The following CDH9 variants were observed in gnomAD, a reference collection of about 807,000 sequenced individuals.
The protein encoded by CDH9 is cadherin 9.
In CDH9, 28 loss-of-function variants were observed where a neutral mutation model predicts 70.9. The ratio of observed to expected loss-of-function variants is 0.40; its 90% CI spans 0.29 to 0.54. The LOEUF (loss-of-function observed/expected upper bound fraction) is 0.54, where lower values mean the gene tolerates loss of function less well. CDH9 is among the 20% of genes least tolerant of loss of function. CDH9 has a pLI of 0.59. For missense variants in CDH9, 874 were observed against 984.4 expected (o/e 0.89, Z 1.50); for synonymous variants, 409 against 343.1 (o/e 1.19, Z -2.12).
rs183204098 is a variant in CDH9 at position 26,968,347 on chromosome 5, G to A, written c.228+19759C>T. Among the ~76,000 whole-genome samples the A allele has an allele frequency of 2.2e-4, 34 of 151,976 alleles. No homozygotes were observed. In the East Asian group the frequency reaches 2.3e-3, roughly 10 times the overall value. ...GTTGCCCAGGCTGGAGTGCAGTGGC[G>A]CAATCTCGGCTCACTGCAACCTCCA... On this transcript the variant is annotated intron_variant, in intron 2 of 11. Coordinates refer to ENST00000231021, the MANE Select transcript of CDH9 (RefSeq NM_016279.4).
intron 2 of CDH9, among the ~76,000 whole-genome samples, chr5:26,969,942 T>C (rs1742190722): frequency 6.7e-6 from 1 of 149,626 alleles, no homozygotes; most frequent in African/African-American, 2.4e-5. Context: ...ATATAATATA[T>C]ATACACACAT....
chr5:26,998,744 G>GA (rs1742712563), intron 1 of CDH9, among the ~76,000 whole-genome samples: 1 of 151,500 alleles, frequency 6.6e-6, no homozygotes, highest in Non-Finnish European at 1.5e-5. Context: ...AAAAAAAAAA[G>GA]AAAATCAGAG....
chr5:26,881,057 C>A lies in CDH9; in HGVS notation c.*79G>T. The A allele has an allele frequency of 1.5e-6, 2 of 1,325,754 alleles. No homozygotes were observed. The highest frequency in any genetic ancestry group is 3.0e-5 in the South Asian group (2 of 67,290). 82.1% of individuals were successfully genotyped at this position (1,325,754 alleles called of 1,614,324 possible). On this transcript the variant is annotated 3_prime_UTR_variant, in exon 12 of 12. Coordinates refer to ENST00000231021, the MANE Select transcript of CDH9 (RefSeq NM_016279.4). ...ACTTCAATTTTTGAAAGATTTCCTC[C>A]CAGGAAGAGAATGCAGGCCACTCAA... is the stretch of plus-strand genomic sequence containing the variant.
chr5:26,906,952 T>A, intron 3 of CDH9, 114 bp from the exon 4 acceptor site: 1 of 1,315,964 alleles, frequency 7.6e-7, no homozygotes, highest in Non-Finnish European at 9.8e-7. Context: ...GTTGTATGTT[T>A]GAAGAAATTT....
intron 2 of CDH9, among the ~76,000 whole-genome samples, chr5:26,979,587 G>T (rs1004762074): frequency 6.6e-6 from 1 of 151,816 alleles, no homozygotes; most frequent in East Asian, 1.9e-4. Flanking sequence ...GCCAAATATT[G>T]TCAGATTGCG....
intron 2 of CDH9, among the ~76,000 whole-genome samples, chr5:26,972,696 T>C (rs779387362): frequency 6.6e-6 from 1 of 152,246 alleles, no homozygotes; most frequent in African/African-American, 2.4e-5. Flanking sequence ...ACATGAAATA[T>C]TAAAACAATT....
intron 7 of CDH9, among the ~76,000 whole-genome samples, chr5:26,891,391 T>G (rs1740657110): frequency 6.6e-6 from 1 of 151,986 alleles, no homozygotes; most frequent in African/African-American, 2.4e-5. Context: ...AAAAGTGGAA[T>G]GGGAAGACCA....
chr5:27,026,666 C>G (rs183702566), intron 1 of CDH9, among the ~76,000 whole-genome samples: 2 of 151,740 alleles, frequency 1.3e-5, no homozygotes, highest in Non-Finnish European at 2.9e-5. Flanking sequence ...AAAGTTTGAA[C>G]AAACATTTGG....
Position 26,881,490 on chromosome 5 carries a change from A to T in CDH9, c.2016T>A (p.Phe672Leu), listed in dbSNP as rs1187621740. ...CTGGATTCCTTAATGTGCCAATGTC[A>T]AAAGCTTGGGTATCTTCTTCCCCGC... is the stretch of plus-strand genomic sequence containing the variant. ...EGGGEEDTQA[F>L]DIGTLRNPEA... is the part of the protein sequence containing the mutation. The change falls in exon 12 of 12, where the codon TTT becomes TTA. Residue 672 changes from phenylalanine (F) to leucine (L), a missense_variant. Physicochemically the swap from Phe to Leu is conservative, Grantham distance 22 (BLOSUM62 0). Transcript: ENST00000231021. The T allele has an allele frequency of 6.2e-7, 1 of 1,613,700 alleles. No individual in the cohort carries two copies. The highest frequency in any genetic ancestry group is 1.3e-5 in the African/African-American group (1 of 74,892).
At chr5:26,971,720 G>T (rs1393120723) in intron 2 of CDH9, among the ~76,000 whole-genome samples, 1 of 152,006 alleles carries the variant, frequency 6.6e-6, no homozygotes. Flanking sequence ...ACGTAAGGGG[G>T]TTAGGTAGTT....
At chr5:26,969,439 A>G (rs2112071228) in intron 2 of CDH9, among the ~76,000 whole-genome samples, 1 of 152,252 alleles carries the variant, frequency 6.6e-6, no homozygotes, top group South Asian at 2.1e-4. Flanking sequence ...GAGTGAAGCC[A>G]AAAATCTGTT....
chr5:26,982,562 G>T (rs766124183), intron 2 of CDH9, among the ~76,000 whole-genome samples: 32 of 152,082 alleles, frequency 2.1e-4, no homozygotes, highest in Non-Finnish European at 4.4e-4. Context: ...AACCTATATT[G>T]TCAAAAATTT....
intron 2 of CDH9, among the ~76,000 whole-genome samples, chr5:26,971,533 ATAT>A (rs1742218318): frequency 6.6e-6 from 1 of 152,208 alleles, no homozygotes; most frequent in Non-Finnish European, 1.5e-5. Flanking sequence ...ATCTTGCAAC[ATAT>A]TATTTGTATA....
At chr5:27,006,041 A>G (rs1742859437) in intron 1 of CDH9, among the ~76,000 whole-genome samples, 1 of 152,002 alleles carries the variant, frequency 6.6e-6, no homozygotes, top group Non-Finnish European at 1.5e-5. Context: ...GGAAGGAGGG[A>G]GTGGAGTAGA....
intron 5 of CDH9, among the ~76,000 whole-genome samples, chr5:26,905,373 A>C (rs1459087793): frequency 6.6e-6 from 1 of 152,132 alleles, no homozygotes; most frequent in African/African-American, 2.4e-5. Context: ...AATACGTCTA[A>C]AATGCCCTCA....
At chr5:26,944,929 C>T (rs1741723076) in intron 2 of CDH9, among the ~76,000 whole-genome samples, 2 of 148,800 alleles carry the variant, frequency 1.3e-5, no homozygotes, top group Admixed American at 1.4e-4. Context: ...TATAATAAAA[C>T]TTAAATCTTT....
chr5:26,950,524 C>T (rs544074384), intron 2 of CDH9, among the ~76,000 whole-genome samples: 4 of 152,246 alleles, frequency 2.6e-5, no homozygotes, highest in East Asian at 1.9e-4. Context: ...AAGTTGGTCT[C>T]ATAAAAATTA....
At chr5:26,896,435 G>C (rs1266486245) in intron 7 of CDH9, among the ~76,000 whole-genome samples, 2 of 151,130 alleles carry the variant, frequency 1.3e-5, no homozygotes, top group Non-Finnish European at 3.0e-5. Flanking sequence ...ATTTATTTAT[G>C]ATGTATAATA....
intron 1 of CDH9, among the ~76,000 whole-genome samples, chr5:27,015,639 T>C (rs1344247572): frequency 6.6e-6 from 1 of 151,640 alleles, no homozygotes; most frequent in Non-Finnish European, 1.5e-5. Flanking sequence ...AATTATAAAA[T>C]ATATGATATG....
Sources: gnomAD v4.1 joint callset for allele counts (sites outside exome capture counted in the v4.1 genomes callset) on GRCh38, gnomAD v4.1.1 for gene constraint, MANE v1.5 for transcripts, NCBI Gene and HGNC (gene_info 2026-07-23, HGNC 2026-07-21) for gene names.